Variants in ZBTB16 observed in about 807,000 individuals in gnomAD.
ZBTB16 encodes zinc finger and BTB domain containing 16, also known as zinc finger and BTB domain-containing protein 16.
A neutral mutation model predicts 56.8 loss-of-function variants in ZBTB16; 8 were observed. That is an observed-to-expected ratio of 0.14 (90% confidence interval 0.08 to 0.25). ZBTB16 has a LOEUF of 0.25. ZBTB16 is among the 10% of genes least tolerant of loss of function. The pLI is 1.00. For missense variants in ZBTB16, 625 were observed against 903.0 expected (o/e 0.69, Z 3.95); for synonymous variants, 363 against 368.5 (o/e 0.98, Z 0.17).
chr11:114,169,375 C>A (rs1163329608), intron 3 of ZBTB16, among the ~76,000 whole-genome samples: 1 of 152,150 alleles, frequency 6.6e-6, no homozygotes, highest in African/African-American at 2.4e-5. Flanking sequence ...TGTGTCCATT[C>A]TCTGACAGCC....
intron 4 of ZBTB16, among the ~76,000 whole-genome samples, chr11:114,233,120 C>T (rs1944491301): frequency 2.1e-5 from 1 of 46,904 alleles, no homozygotes; most frequent in African/African-American, 5.6e-5. Context: ...CACACACACA[C>T]ACACACTCTC....
intron 3 of ZBTB16, among the ~76,000 whole-genome samples, chr11:114,169,078 C>T (rs149888579): frequency 6.6e-6 from 1 of 152,196 alleles, no homozygotes; most frequent in Non-Finnish European, 1.5e-5. Flanking sequence ...TTTGCACTAT[C>T]CTGCCAAGTA....
rs1591801415 is a variant in ZBTB16 at position 114,232,216 on chromosome 11, G to C, written c.1454-9951G>C. On this transcript the variant is annotated intron_variant, in intron 4 of 6. Coordinates refer to ENST00000335953, the MANE Select transcript of ZBTB16 (RefSeq NM_006006.6). ...TGCAGTGCTCATGCAACCTTGCAGAGGGTTACAGGCAGAATACATGCCAGG... is the reference window on the plus strand; with the variant it reads ...TGCAGTGCTCATGCAACCTTGCAGACGGTTACAGGCAGAATACATGCCAGG... Among the ~76,000 whole-genome samples the C allele has an allele frequency of 3.3e-5, 5 of 152,280 alleles. No individual in the cohort carries two copies. The South Asian group carries it at 1.0e-3, about 32-fold the overall frequency.
chr11:114,107,527 C>A (rs754360806), intron 2 of ZBTB16, among the ~76,000 whole-genome samples: 29 of 152,118 alleles, frequency 1.9e-4, no homozygotes, highest in Non-Finnish European at 4.1e-4. Context: ...TGTCTCTCCT[C>A]CAAAGAGCAT....
intron 2 of ZBTB16, among the ~76,000 whole-genome samples, chr11:114,088,060 T>C (rs1451978752): frequency 2.6e-5 from 4 of 151,630 alleles, no homozygotes; most frequent in Non-Finnish European, 4.4e-5. Context: ...GCATTCTTCC[T>C]CCTTGCATCC....
chr11:114,145,876 G>T (rs1565650110), intron 2 of ZBTB16, among the ~76,000 whole-genome samples: 1 of 152,196 alleles, frequency 6.6e-6, no homozygotes. Context: ...ATACTCTGAG[G>T]TTATAGTGGA....
intron 5 of ZBTB16, among the ~76,000 whole-genome samples, chr11:114,244,427 G>A (rs1944775690): frequency 6.6e-6 from 1 of 152,096 alleles, no homozygotes; most frequent in African/African-American, 2.4e-5. Flanking sequence ...AGTCTCGTTT[G>A]TCCTGCACTT....
intron 2 of ZBTB16, among the ~76,000 whole-genome samples, chr11:114,121,565 A>G (rs372426356): frequency 2.6e-5 from 4 of 152,288 alleles, no homozygotes; most frequent in Admixed American, 6.5e-5. Flanking sequence ...GCTTACATCC[A>G]TTATCTCATT....
At position 114,162,975 on chromosome 11, in the gene ZBTB16, G is replaced by A. The variant is rs541921259; in HGVS notation, c.1366+6541G>A. Among the ~76,000 whole-genome samples the A allele has an allele frequency of 8.7e-4, 133 of 152,250 alleles. 1 individual carries two copies. Among genetic ancestry groups the A allele is most frequent in the Middle Eastern group, 6.8e-3 (2 of 294 alleles). ...GCCGGCAGGTCTGGATGTTCTGCCAGCATTCCAGAGAGTTTATGATCGCTT... is the reference window on the plus strand; with the variant it reads ...GCCGGCAGGTCTGGATGTTCTGCCAACATTCCAGAGAGTTTATGATCGCTT... On this transcript the variant is annotated intron_variant, in intron 3 of 6. Coordinates refer to ENST00000335953, the MANE Select transcript of ZBTB16 (RefSeq NM_006006.6).
chr11:114,138,505 A>G (rs890637628), intron 2 of ZBTB16, among the ~76,000 whole-genome samples: 5 of 151,958 alleles, frequency 3.3e-5, no homozygotes, highest in Admixed American at 2.0e-4. Context: ...TTTTACATAC[A>G]TATGTCTTGC....
At chr11:114,154,375 A>G (rs571334076) in intron 2 of ZBTB16, among the ~76,000 whole-genome samples, 17 of 152,320 alleles carry the variant, frequency 1.1e-4, no homozygotes, top group Admixed American at 3.9e-4. Context: ...AGATTTTGCC[A>G]TGACTGTGTG....
rs546184188 is a variant in ZBTB16 at position 114,149,247 on chromosome 11, C to T, written c.1269-7090C>T. On this transcript the variant is annotated intron_variant, in intron 2 of 6. Coordinates refer to ENST00000335953, the MANE Select transcript of ZBTB16 (RefSeq NM_006006.6). Reference sequence around the variant, plus strand: ...GCCAAGGTTATTTAATGGATATCTGCAGAGCCAGGTCCCCTGCACTCAGCC... The same window carrying T: ...GCCAAGGTTATTTAATGGATATCTGTAGAGCCAGGTCCCCTGCACTCAGCC... Among the ~76,000 whole-genome samples the T allele has an allele frequency of 2.6e-5, 4 of 152,274 alleles. No individual in the cohort carries two copies. In the South Asian group the frequency reaches 8.3e-4, roughly 32 times the overall value.
chr11:114,176,872 T>C (rs1345304193), intron 3 of ZBTB16, among the ~76,000 whole-genome samples: 1 of 152,218 alleles, frequency 6.6e-6, no homozygotes, highest in African/African-American at 2.4e-5. Flanking sequence ...GAGCCAGTTA[T>C]CTACCCTGTC....
rs1365186473 is a variant in ZBTB16 at position 114,247,254 on chromosome 11, C to T, written c.1681C>T (p.Leu561Phe). 6 of 1,614,130 alleles carry T rather than the reference C, an allele frequency of 3.7e-6. No individual in the cohort carries two copies. The highest frequency in any genetic ancestry group is 5.1e-6 in the Non-Finnish European group (6 of 1,180,062). ...CGSCFRDEST[L>F]KSHKRIHTGE... ...CAGCTGCTTCCGGGATGAGAGCACACTCAAGAGCCACAAACGCATCCACAC... is the reference window on the plus strand; with the variant it reads ...CAGCTGCTTCCGGGATGAGAGCACATTCAAGAGCCACAAACGCATCCACAC... The change falls in exon 6 of 7, where the codon CTC becomes TTC. Residue 561 changes from leucine (L) to phenylalanine (F), a missense_variant. This residue lies in a region of ZBTB16 where 140 missense variants were observed against 214.8 expected (regional missense o/e 0.65). Transcript: ENST00000335953.
intron 4 of ZBTB16, among the ~76,000 whole-genome samples, chr11:114,224,093 A>C (rs1944287415): frequency 6.6e-6 from 1 of 152,122 alleles, no homozygotes; most frequent in Admixed American, 6.5e-5. Flanking sequence ...CAGGGGAGGG[A>C]CATCAGGTGA....
At chr11:114,156,265 C>A in intron 2 of ZBTB16, 72 bp from the exon 3 acceptor site, 1 of 1,517,750 alleles carries the variant, frequency 6.6e-7, no homozygotes, top group Non-Finnish European at 9.1e-7. Context: ...CTGCCAAGCC[C>A]CCAGGTAGGG....
At chr11:114,081,817 G>A (rs905908024) in intron 2 of ZBTB16, among the ~76,000 whole-genome samples, 4 of 152,170 alleles carry the variant, frequency 2.6e-5, no homozygotes, top group African/African-American at 9.7e-5. Flanking sequence ...AGGAATGAGG[G>A]TGATTCATGC....
rs982860386 is a variant in ZBTB16 at position 114,143,817 on chromosome 11, A to G, written c.1269-12520A>G. Among the ~76,000 whole-genome samples, 10 of 152,192 alleles carry G rather than the reference A, an allele frequency of 6.6e-5. No homozygotes were observed. The highest frequency in any genetic ancestry group is 1.2e-4 in the Non-Finnish European group (8 of 68,034). On this transcript the variant is annotated intron_variant, in intron 2 of 6. Coordinates refer to ENST00000335953, the MANE Select transcript of ZBTB16 (RefSeq NM_006006.6). This position sits in a 1 kb window ranked among gnomAD's most constrained non-coding sequence, Gnocchi z 6.4. ...GAATCGATCTCTTCATTCTGTTTCA[A>G]GATTACATAGCATGCAGTATGTTGT...
At chr11:114,098,324 G>C (rs571873933) in intron 2 of ZBTB16, among the ~76,000 whole-genome samples, 3 of 152,082 alleles carry the variant, frequency 2.0e-5, no homozygotes. Context: ...AGGTAGGGGC[G>C]CACTATATAT....
Sources: allele counts gnomAD v4.1 joint callset (sites outside exome capture counted in the v4.1 genomes callset), GRCh38; gene constraint gnomAD v4.1.1; regional missense constraint gnomAD v4.1.1; non-coding constraint Gnocchi (gnomAD v3.1); transcripts MANE v1.5; gene names NCBI Gene and HGNC (gene_info 2026-07-23, HGNC 2026-07-21).